KCNH7: variants seen among roughly 807,000 people sequenced by gnomAD.
The protein encoded by KCNH7 is potassium voltage-gated channel subfamily H member 7.
Under a neutral mutation model 120.8 loss-of-function variants are expected in KCNH7, and 49 were observed. That is an observed-to-expected ratio of 0.41 (90% CI 0.32 to 0.51). KCNH7 has a LOEUF of 0.51. Ranked by LOEUF, KCNH7 falls within the 20% of genes least tolerant of loss-of-function variation. KCNH7 has a pLI of 0.38. For missense variants in KCNH7, 1,097 were observed against 1,446.6 expected, an observed-to-expected ratio of 0.76 and a Z score of 3.92; for synonymous variants, 547 against 516.1, an observed-to-expected ratio of 1.06 and a Z score of -0.81.
chr2:162,518,795 T>G (rs1691412386), intron 3 of KCNH7, among the ~76,000 whole-genome samples: 1 of 150,456 alleles, frequency 6.6e-6, no homozygotes, highest in East Asian at 2.0e-4. Context: ...TAAAGATTTC[T>G]TTTTCCTGTT....
chr2:162,701,659 A>T (rs1686503140), intron 2 of KCNH7, among the ~76,000 whole-genome samples: 1 of 152,180 alleles, frequency 6.6e-6, no homozygotes, highest in South Asian at 2.1e-4. Flanking sequence ...TAGACAGTTT[A>T]AAATGAGGCT....
intron 6 of KCNH7, among the ~76,000 whole-genome samples, chr2:162,463,465 G>C (rs1006256738): frequency 2.6e-5 from 4 of 151,628 alleles, no homozygotes; most frequent in African/African-American, 9.7e-5. Context: ...TTAGGTTGTA[G>C]AGTTGGTTAC....
At chr2:162,637,667 G>A (rs1684008797) in intron 2 of KCNH7, among the ~76,000 whole-genome samples, 1 of 151,958 alleles carries the variant, frequency 6.6e-6, no homozygotes, top group Non-Finnish European at 1.5e-5. Context: ...ATTCCATGAT[G>A]TAGACGTATA....
chr2:162,526,789 A>T (rs1464601330), intron 3 of KCNH7, among the ~76,000 whole-genome samples: 1 of 152,048 alleles, frequency 6.6e-6, no homozygotes, highest in Non-Finnish European at 1.5e-5. Flanking sequence ...CTAAGCGGAC[A>T]TACATCCTCC....
intron 2 of KCNH7, among the ~76,000 whole-genome samples, chr2:162,623,515 A>G (rs944625455): frequency 6.6e-6 from 1 of 152,198 alleles, no homozygotes; most frequent in Admixed American, 6.6e-5. Flanking sequence ...GTCTATTAAT[A>G]TCATGGACAC....
intron 2 of KCNH7, among the ~76,000 whole-genome samples, chr2:162,780,289 G>T (rs1461235717): frequency 6.6e-6 from 1 of 152,088 alleles, no homozygotes; most frequent in Non-Finnish European, 1.5e-5. Flanking sequence ...GATGTTTTCA[G>T]GTAAGTACAC....
intron 3 of KCNH7, among the ~76,000 whole-genome samples, chr2:162,527,002 G>T (rs1431556315): frequency 5.3e-5 from 8 of 151,922 alleles, no homozygotes; most frequent in Non-Finnish European, 7.4e-5. Context: ...CACAATCCAC[G>T]TTCTTCTGCC....
At chr2:162,615,451 TAAATC>T (rs779479860) in intron 2 of KCNH7, among the ~76,000 whole-genome samples, 6 of 152,206 alleles carry the variant, frequency 3.9e-5, no homozygotes, top group Non-Finnish European at 8.8e-5. Context: ...ATTAACAACT[TAAATC>T]TAGCTAAGAT....
Position 162,754,309 on chromosome 2 carries a change from C to T in KCNH7, c.307+82228G>A, listed in dbSNP as rs148463118. ...GAGAAAAGGAAAAATGGAAAGAGAA[C>T]GAAAAAGAAAGACATCACAGAGAGT... On this transcript the variant is annotated intron_variant, in intron 2 of 15. Transcript: ENST00000332142. 9.0e-4 allele frequency among the ~76,000 whole-genome samples: 136 copies of T among 151,760 alleles called. 1 individual carries two copies. The East Asian group carries it at 0.014, about 16-fold the overall frequency.
At chr2:162,800,243 C>G (rs1192181266) in intron 2 of KCNH7, among the ~76,000 whole-genome samples, 2 of 151,464 alleles carry the variant, frequency 1.3e-5, no homozygotes, top group Non-Finnish European at 3.0e-5. Flanking sequence ...GTTATTGCTG[C>G]CGTGATTTCA....
At chr2:162,442,773 T>C (rs9753328) in intron 7 of KCNH7, among the ~76,000 whole-genome samples, 11,247 of 152,130 alleles carry the variant, frequency 0.074, 1,331 homozygotes, top group African/African-American at 0.25. Context: ...AGAGGATCAC[T>C]TGAGCCCAGG....
chr2:162,745,755 A>G (rs1688294031), intron 2 of KCNH7, among the ~76,000 whole-genome samples: 1 of 152,082 alleles, frequency 6.6e-6, no homozygotes, highest in African/African-American at 2.4e-5. Context: ...AAAAGGTAAT[A>G]TATAATTTAT....
intron 2 of KCNH7, among the ~76,000 whole-genome samples, chr2:162,769,266 C>G (rs985708960): frequency 2.6e-5 from 4 of 151,986 alleles, no homozygotes; most frequent in Non-Finnish European, 5.9e-5. Flanking sequence ...GATATGCACA[C>G]AAATTGTATT....
chr2:162,591,026 C>A (rs1377597189), intron 2 of KCNH7, among the ~76,000 whole-genome samples: 1 of 151,978 alleles, frequency 6.6e-6, no homozygotes, highest in East Asian at 1.9e-4. Context: ...TATACTCACC[C>A]CCAATGCCCT....
chr2:162,710,005 T>G (rs1342678617), intron 2 of KCNH7, among the ~76,000 whole-genome samples: 3 of 152,088 alleles, frequency 2.0e-5, no homozygotes, highest in Non-Finnish European at 4.4e-5. Context: ...TGCACATGAA[T>G]GAGCATCAAA....
intron 2 of KCNH7, among the ~76,000 whole-genome samples, chr2:162,760,744 T>A (rs1430715823): frequency 2.0e-5 from 3 of 152,140 alleles, no homozygotes; most frequent in Non-Finnish European, 4.4e-5. Context: ...GGCTTCAATA[T>A]TTTATTTCAT....
At chr2:162,511,481 A>T (rs910273065) in intron 5 of KCNH7, among the ~76,000 whole-genome samples, 1 of 5,966 alleles carries the variant, frequency 1.7e-4, no homozygotes, top group African/African-American at 3.5e-4. Context: ...TGGACAGGTC[A>T]AAAAAAAAAA....
intron 6 of KCNH7, among the ~76,000 whole-genome samples, chr2:162,476,438 T>C (rs2105664361): frequency 6.6e-6 from 1 of 152,350 alleles, no homozygotes; most frequent in Admixed American, 6.5e-5. Flanking sequence ...TTTAACTTCT[T>C]ATGAAGACAG....
chr2:162,674,510 T>C (rs1381012090), intron 2 of KCNH7, among the ~76,000 whole-genome samples: 3 of 151,772 alleles, frequency 2.0e-5, no homozygotes, highest in East Asian at 3.9e-4. Flanking sequence ...TAGTTTTTTA[T>C]AGAAATGAAA....
Sources: allele counts gnomAD v4.1 joint callset (sites outside exome capture counted in the v4.1 genomes callset), GRCh38; gene constraint gnomAD v4.1.1; transcripts MANE v1.5; gene names NCBI Gene and HGNC (gene_info 2026-07-23, HGNC 2026-07-21).